Variants in PDE3B observed in about 807,000 individuals in gnomAD.
PDE3B encodes the protein cGMP-inhibited 3',5'-cyclic phosphodiesterase 3B.
PDE3B carries 66 observed loss-of-function variants against 116.8 expected under a neutral mutation model. That is an observed-to-expected ratio of 0.56 (90% CI 0.46 to 0.69). The LOEUF is 0.69. Ranked by LOEUF, PDE3B falls within the 30% of genes least tolerant of loss-of-function variation. The probability of loss-of-function intolerance (pLI) is 0.00; values close to 1 mark genes in which losing one functional copy is unlikely to be tolerated. For synonymous variants in PDE3B, 595 were observed against 533.6 expected (o/e 1.12, Z -1.59); for missense variants, 1,384 against 1,368.1 (o/e 1.01, Z -0.18).
chr11:14,652,569 GTTC>G (rs888984695), intron 1 of PDE3B, among the ~76,000 whole-genome samples: 1 of 152,120 alleles, frequency 6.6e-6, no homozygotes, highest in African/African-American at 2.4e-5. Flanking sequence ...AATTTACTCT[GTTC>G]TTTATTTTTA....
intron 1 of PDE3B, among the ~76,000 whole-genome samples, chr11:14,699,745 C>T (rs1008323643): frequency 4.0e-5 from 6 of 151,794 alleles, no homozygotes; most frequent in African/African-American, 1.4e-4. Context: ...TTAATTAGAA[C>T]ATTTGGCTCC....
chr11:14,730,168 T>C (rs897036045), intron 1 of PDE3B, among the ~76,000 whole-genome samples: 3 of 152,236 alleles, frequency 2.0e-5, no homozygotes, highest in African/African-American at 7.2e-5. Flanking sequence ...ACCATCAGTT[T>C]CCAGAATGGA....
chr11:14,847,288 C>G (rs1447108885), intron 12 of PDE3B, among the ~76,000 whole-genome samples: 1 of 151,246 alleles, frequency 6.6e-6, no homozygotes, highest in Non-Finnish European at 1.5e-5. Context: ...TTCTTTGAAA[C>G]CAACGAGAAC....
At chr11:14,770,589 A>G (rs900090496) in intron 1 of PDE3B, among the ~76,000 whole-genome samples, 1 of 151,612 alleles carries the variant, frequency 6.6e-6, no homozygotes, top group South Asian at 2.1e-4. Flanking sequence ...TAATTATATC[A>G]GGACCACATT....
At chr11:14,884,876 G>T in the PDE3B span, among the ~76,000 whole-genome samples, 4 of 151,552 alleles carry the variant, frequency 2.6e-5, no homozygotes, top group South Asian at 8.4e-4. Flanking sequence ...TCTTTTTAAA[G>T]GTCTATTATA....
chr11:14,661,675 G>T (rs1166846641), intron 1 of PDE3B, among the ~76,000 whole-genome samples: 1 of 152,196 alleles, frequency 6.6e-6, no homozygotes, highest in Non-Finnish European at 1.5e-5. Flanking sequence ...TGGCTCGGAG[G>T]GTCCTAGCCC....
chr11:14,810,342 A>C (rs1312228202), intron 5 of PDE3B, among the ~76,000 whole-genome samples: 1 of 110,886 alleles, frequency 9.0e-6, no homozygotes, highest in East Asian at 3.0e-4. Context: ...AACAGTCCCC[A>C]GAGTGTGATG....
At chr11:14,787,583 C>T (rs1000350528) in intron 3 of PDE3B, among the ~76,000 whole-genome samples, 1 of 151,812 alleles carries the variant, frequency 6.6e-6, no homozygotes, top group Admixed American at 6.6e-5. Context: ...GTTAAGCAAA[C>T]CCAGTTAGAG....
intron 1 of PDE3B, among the ~76,000 whole-genome samples, chr11:14,667,732 A>T (rs968887004): frequency 2.0e-5 from 3 of 151,670 alleles, no homozygotes; most frequent in Admixed American, 2.0e-4. Flanking sequence ...AGATATACCT[A>T]ATGCTAAATG....
At chr11:14,755,759 A>G (rs1333291353) in intron 1 of PDE3B, among the ~76,000 whole-genome samples, 1 of 152,184 alleles carries the variant, frequency 6.6e-6, no homozygotes. Context: ...ATGGAAATAT[A>G]TTTGTATTGT....
intron 12 of PDE3B, among the ~76,000 whole-genome samples, chr11:14,849,712 A>T (rs981227301): frequency 6.6e-6 from 1 of 152,224 alleles, no homozygotes; most frequent in Non-Finnish European, 1.5e-5. Context: ...GAAGACATTT[A>T]TGCAGCCAAA....
At chr11:14,684,711 TC>T (rs1412993341) in intron 1 of PDE3B, among the ~76,000 whole-genome samples, 1 of 152,064 alleles carries the variant, frequency 6.6e-6, no homozygotes, top group Non-Finnish European at 1.5e-5. Context: ...TTTATAGACC[TC>T]CCCCCAGGGA....
At chr11:14,660,352 A>T (rs1244857992) in intron 1 of PDE3B, among the ~76,000 whole-genome samples, 2 of 145,282 alleles carry the variant, frequency 1.4e-5, no homozygotes, top group Non-Finnish European at 3.0e-5. Flanking sequence ...CCCAGGCTGG[A>T]GTGCAATGGC....
At chr11:14,831,032 A>G (rs552333406) in intron 8 of PDE3B, among the ~76,000 whole-genome samples, 186 bp downstream of exon 8, 10 of 151,988 alleles carry the variant, frequency 6.6e-5, no homozygotes, top group Admixed American at 2.0e-4. Flanking sequence ...TTCTAATTCT[A>G]TCATCCTAAA....
chr11:14,716,191 C>G (rs1377735866), intron 1 of PDE3B, among the ~76,000 whole-genome samples: 4 of 152,170 alleles, frequency 2.6e-5, no homozygotes, highest in Non-Finnish European at 5.9e-5. Flanking sequence ...CACTCCCACC[C>G]GAATACTGCG....
intron 1 of PDE3B, among the ~76,000 whole-genome samples, chr11:14,760,709 A>C (rs1228333046): frequency 6.6e-6 from 1 of 152,188 alleles, no homozygotes; most frequent in East Asian, 1.9e-4. Flanking sequence ...TCTCTTTCGC[A>C]TTGCTTAGTT....
At chr11:14,854,031 A>G (rs1343231360) in intron 12 of PDE3B, among the ~76,000 whole-genome samples, 4 of 152,258 alleles carry the variant, frequency 2.6e-5, no homozygotes, top group African/African-American at 9.6e-5. Context: ...TAAGTTATGA[A>G]GTTCATTACA....
At chr11:14,880,594 T>C in the PDE3B span, 4 of 1,613,050 alleles carry the variant, frequency 2.5e-6, no homozygotes, top group Non-Finnish European at 3.4e-6. Flanking sequence ...CGTTATTAAC[T>C]GTTTAAAGTC....
chr11:14,855,698 A>G (rs1025983572), intron 12 of PDE3B, among the ~76,000 whole-genome samples: 2 of 152,186 alleles, frequency 1.3e-5, no homozygotes, highest in Non-Finnish European at 2.9e-5. Context: ...AGACCAAGAG[A>G]GACAGACAGA....
Sources: allele counts gnomAD v4.1 joint callset (sites outside exome capture counted in the v4.1 genomes callset), GRCh38; gene constraint gnomAD v4.1.1; transcripts MANE v1.5; gene names NCBI Gene and HGNC (gene_info 2026-07-23, HGNC 2026-07-21).